Variants in ZNF658 observed in about 807,000 individuals in gnomAD.
ZNF658 encodes the protein zinc finger protein 658.
In ZNF658, 46 loss-of-function variants were observed where a neutral mutation model predicts 78.0. That is an observed-to-expected ratio of 0.59 (90% CI 0.47 to 0.75). ZNF658 has a LOEUF of 0.75. Among genes scored for constraint, ZNF658 ranks in the 30% least tolerant of loss-of-function variants. The pLI, the probability that ZNF658 is intolerant of heterozygous loss-of-function variation, is 0.00. For synonymous variants in ZNF658, 279 were observed against 408.4 expected (o/e 0.68, Z 3.82); for missense variants, 785 against 1,189.3 (o/e 0.66, Z 5.00).
chr9:66,923,804 A>C (rs1452325248), downstream of ZNF658, among the ~76,000 whole-genome samples: 1 of 147,818 alleles, frequency 6.8e-6, no homozygotes, highest in African/African-American at 2.5e-5. Context: ...TTTTCTGTAG[A>C]AGGTAGATTT....
intron 1 of ZNF658, among the ~76,000 whole-genome samples, chr9:66,901,368 C>T (rs143580962): frequency 0.01 from 1,561 of 152,184 alleles, 21 homozygotes; most frequent in African/African-American, 0.036. Context: ...CCTGCTCGTT[C>T]TAACATGCTG....
chr9:66,907,881 T>A (rs1822115912), intron 2 of ZNF658, among the ~76,000 whole-genome samples: 1 of 151,548 alleles, frequency 6.6e-6, no homozygotes, highest in South Asian at 2.1e-4. Flanking sequence ...TTCACATATA[T>A]CTCTTCCTTA....
intron 4 of ZNF658, among the ~76,000 whole-genome samples, chr9:66,913,360 G>A (rs1171467752): frequency 4.0e-5 from 6 of 151,874 alleles, no homozygotes; most frequent in Admixed American, 3.3e-4. Flanking sequence ...GGGAGGCAGA[G>A]GTTGCAGTGA....
chr9:66,904,838 T>C (rs1289626932), intron 2 of ZNF658, among the ~76,000 whole-genome samples: 5 of 152,090 alleles, frequency 3.3e-5, no homozygotes, highest in African/African-American at 1.2e-4. Context: ...AATTCCAGTT[T>C]CTCTATTTTT....
At position 66,920,924 on chromosome 9, in the gene ZNF658, C is replaced by A; in HGVS notation, c.*178C>A. 2 of 734,442 alleles carry A rather than the reference C, an allele frequency of 2.7e-6. No homozygotes were observed. Among genetic ancestry groups the A allele is most frequent in the Non-Finnish European group, 4.7e-6 (2 of 426,314 alleles). 45.5% of individuals were successfully genotyped at this position (734,442 alleles called of 1,614,324 possible). On this transcript the variant is annotated 3_prime_UTR_variant, in exon 5 of 5. Coordinates refer to ENST00000621410, the MANE Select transcript of ZNF658 (RefSeq NM_033160.7). ...GATGTGGTGCTAATGATAAATATTA[C>A]ATTTACCCTTGGCCCTTAAAAAAAA...
rs1822378257 is a variant in ZNF658, at chr9:66,917,990, C to A, written c.424C>A (p.His142Asn). Residue 142 changes from histidine (H) to asparagine (N), a missense_variant, in exon 5 of 5, where the codon CAC (histidine) becomes AAC (asparagine). Physicochemically the swap from His to Asn is moderately conservative, Grantham distance 68. Transcript: ENST00000621410. ...SEKISCKCDS[H>N]RMNLPVASQL... ...AAAAATATCCTGTAAATGTGACTCA[C>A]ACAGAATGAATTTGCCAGTTGCTTC... 1 of 1,593,822 alleles carries A rather than the reference C, an allele frequency of 6.3e-7. No individual in the cohort carries two copies. The highest frequency in any genetic ancestry group is 2.2e-5 in the East Asian group (1 of 44,702).
At chr9:66,907,962 C>T (rs201165801) in intron 2 of ZNF658, among the ~76,000 whole-genome samples, 778 of 143,886 alleles carry the variant, frequency 5.4e-3, no homozygotes, top group African/African-American at 0.016. Context: ...GGATAATTTG[C>T]GGAGATGTGG....
In ZNF658 at chr9:66,918,085, G is replaced by A. The variant is rs202013839; in HGVS notation, c.519G>A (p.Leu173=). Reference sequence around the variant, plus strand: ...AATACATGAATGTGTGTGAGAAACTGCAGCTTGATATTAAGCATGAGAAAG... The same window carrying A: ...AATACATGAATGTGTGTGAGAAACTACAGCTTGATATTAAGCATGAGAAAG... ...KTEYMNVCEK[L]QLDIKHEKAH... The change falls in exon 5 of 5, where the codon CTG becomes CTA. Residue 173 remains leucine, a synonymous_variant. Coordinates refer to ENST00000621410, the MANE Select transcript of ZNF658 (RefSeq NM_033160.7). 1.3e-4 allele frequency: 210 copies of A among 1,594,116 alleles called. 1 individual carries two copies. The highest frequency in any genetic ancestry group is 1.8e-4 in the Admixed American group (10 of 56,176).
chr9:66,925,542 G>T (rs1349606574), downstream of ZNF658, among the ~76,000 whole-genome samples: 16 of 151,988 alleles, frequency 1.1e-4, no homozygotes, highest in East Asian at 3.1e-3. Flanking sequence ...CATCATGAAA[G>T]AAATAGGAAA....
At chr9:66,922,311 T>TGC (rs2118121053), downstream of ZNF658, among the ~76,000 whole-genome samples, 1 of 152,256 alleles carries the variant, frequency 6.6e-6, no homozygotes, top group South Asian at 2.1e-4. Flanking sequence ...GGTGAGGCAA[T>TGC]GCCCTGCCCT....
rs754119110 is a variant in ZNF658 at position 66,918,860 on chromosome 9, G to A, written c.1294G>A (p.Gly432Arg). The A allele has an allele frequency of 1.1e-5, 18 of 1,603,026 alleles. No homozygotes were observed. The highest frequency in any genetic ancestry group is 1.5e-5 in the Non-Finnish European group (18 of 1,172,494). Residue 432 changes from glycine to arginine, a missense_variant, in exon 5 of 5, where the codon GGA (glycine) becomes AGA (arginine). This residue lies in a region of ZNF658 where 393 missense variants were observed against 400.2 expected (regional missense o/e 0.98). Transcript: ENST00000621410. ...AAGTTCACATCCTATTCAGCATCCT[G>A]GAACTTATGTGGGATTCAAACTTTA... ...CSSSHPIQHP[G>R]TYVGFKLYEC...
At chr9:66,902,649 G>C (rs201218505) in intron 1 of ZNF658, among the ~76,000 whole-genome samples, 3,131 of 147,998 alleles carry the variant, frequency 0.021, 33 homozygotes, top group African/African-American at 0.059. Flanking sequence ...CTCACACCGT[G>C]TTCATCACCA....
At chr9:66,902,782 T>C (rs1821981987) in intron 1 of ZNF658, 1 of 152,192 alleles carries the variant, frequency 6.6e-6, no homozygotes, top group South Asian at 2.1e-4. Flanking sequence ...CCATCTTTAT[T>C]TTTTCCGTGG....
chr9:66,913,653 G>C (rs62549045), intron 4 of ZNF658, among the ~76,000 whole-genome samples: 35,626 of 150,474 alleles, frequency 0.24, 4,484 homozygotes, highest in Middle Eastern at 0.42. Context: ...TAGAAACCTT[G>C]AAACTCAAAG....
intron 1 of ZNF658, chr9:66,901,217 G>T (rs1173009929): frequency 6.6e-6 from 1 of 152,028 alleles, no homozygotes; most frequent in African/African-American, 2.4e-5. Context: ...CTCATCGTTT[G>T]GTATTTCACC....
chr9:66,903,942 A>T (rs1822014789), intron 2 of ZNF658, among the ~76,000 whole-genome samples: 1 of 152,164 alleles, frequency 6.6e-6, no homozygotes, highest in Non-Finnish European at 1.5e-5. Flanking sequence ...TGACTTAGTT[A>T]ATAAATTGCC....
chr9:66,926,332 T>C (rs541105826), downstream of ZNF658, among the ~76,000 whole-genome samples: 11 of 149,224 alleles, frequency 7.4e-5, no homozygotes, highest in East Asian at 1.8e-3. Context: ...CAGAAAACTC[T>C]AAAGACTCCA....
Position 66,918,549 on chromosome 9 carries a change from A to G in ZNF658, c.983A>G (p.Asn328Ser), listed in dbSNP as rs368677911. 5.0e-6 allele frequency: 8 copies of G among 1,607,748 alleles called. No individual in the cohort carries two copies. The highest frequency in any genetic ancestry group is 6.8e-6 in the Non-Finnish European group (8 of 1,175,242). ...TITGWSAFESNKCEENFSQSS... is the reference protein window; with the variant it reads ...TITGWSAFESSKCEENFSQSS... ...ACAGGATGGAGTGCTTTTGAAAGCAATAAATGTGAAGAAAATTTTAGCCAG... is the reference window on the plus strand; with the variant it reads ...ACAGGATGGAGTGCTTTTGAAAGCAGTAAATGTGAAGAAAATTTTAGCCAG... Residue 328 changes from asparagine (N) to serine (S), a missense_variant, in exon 5 of 5, where the codon AAT (asparagine) becomes AGT (serine). Transcript: ENST00000621410.
downstream of ZNF658, among the ~76,000 whole-genome samples, chr9:66,925,397 T>G (rs530103199): frequency 2.0e-5 from 3 of 151,886 alleles, no homozygotes; most frequent in East Asian, 3.9e-4. Flanking sequence ...AAAACAGAAA[T>G]GAAAAAGACA....
Sources: allele counts gnomAD v4.1 joint callset (sites outside exome capture counted in the v4.1 genomes callset), GRCh38; gene constraint gnomAD v4.1.1; regional missense constraint gnomAD v4.1.1; transcripts MANE v1.5; gene names NCBI Gene and HGNC (gene_info 2026-07-23, HGNC 2026-07-21).